The following AFG2A variants were observed in gnomAD, a reference collection of about 807,000 sequenced individuals.
AFG2A encodes the protein ATPase family gene 2 protein homolog A.
the AFG2A span, among the ~76,000 whole-genome samples, chr4:123,146,538 CAG>C: frequency 2.6e-5 from 4 of 152,048 alleles, no homozygotes; most frequent in African/African-American, 9.7e-5. Flanking sequence ...TAGACACTAA[CAG>C]TGAAAAATAT....
chr4:122,990,806 C>T, the AFG2A span, among the ~76,000 whole-genome samples: 2 of 152,198 alleles, frequency 1.3e-5, no homozygotes, highest in Non-Finnish European at 2.9e-5. Flanking sequence ...GCAGACTGGT[C>T]TGGAACTCGT....
chr4:123,222,543 A>T, the AFG2A span, among the ~76,000 whole-genome samples: 1 of 152,222 alleles, frequency 6.6e-6, no homozygotes, highest in Non-Finnish European at 1.5e-5. Flanking sequence ...TGGTAAGAAC[A>T]TTTAACATGA....
At chr4:123,175,282 C>A in the AFG2A span, among the ~76,000 whole-genome samples, 1 of 151,608 alleles carries the variant, frequency 6.6e-6, no homozygotes, top group Non-Finnish European at 1.5e-5. Context: ...AATATGTAGA[C>A]CATAAGAAAA....
At chr4:122,930,195 A>G in the AFG2A span, among the ~76,000 whole-genome samples, 1 of 152,234 alleles carries the variant, frequency 6.6e-6, no homozygotes, top group African/African-American at 2.4e-5. Context: ...CCCTCACCAC[A>G]GGGTAATTGT....
At chr4:123,187,670 G>GT in the AFG2A span, among the ~76,000 whole-genome samples, 4 of 151,416 alleles carry the variant, frequency 2.6e-5, no homozygotes, top group Admixed American at 6.6e-5. Flanking sequence ...TATACTCTAG[G>GT]TTTTTTTTGT....
chr4:122,931,397 C>T, the AFG2A span, among the ~76,000 whole-genome samples: 4 of 151,818 alleles, frequency 2.6e-5, no homozygotes, highest in African/African-American at 9.7e-5. Context: ...ATTAAAGTTG[C>T]CTTGAACACC....
chr4:123,314,021 T>C, the AFG2A span: 2 of 1,610,020 alleles, frequency 1.2e-6, no homozygotes, highest in East Asian at 2.2e-5. Context: ...TTGAGACGTT[T>C]TTATGAAGAT....
the AFG2A span, among the ~76,000 whole-genome samples, chr4:122,956,750 T>G: frequency 6.6e-6 from 1 of 152,196 alleles, no homozygotes; most frequent in South Asian, 2.1e-4. Context: ...AAGATTAGTG[T>G]TCTAATTACA....
chr4:123,315,378 T>TTC, the AFG2A span: 1 of 149,146 alleles, frequency 6.7e-6, no homozygotes, highest in Non-Finnish European at 1.5e-5. Flanking sequence ...TTTTTTTTAT[T>TTC]AGAGACAGGG....
chr4:123,198,512 G>C, the AFG2A span, among the ~76,000 whole-genome samples: 3 of 152,296 alleles, frequency 2.0e-5, 1 homozygote, highest in South Asian at 6.2e-4. Flanking sequence ...GATCTTGCCA[G>C]CCTCTCCCTA....
chr4:123,259,831 G>T, the AFG2A span: 3 of 152,208 alleles, frequency 2.0e-5, no homozygotes, highest in African/African-American at 7.2e-5. Context: ...GAACACAGGT[G>T]ATGAGTAAGA....
the AFG2A span, among the ~76,000 whole-genome samples, chr4:123,107,261 A>ACTGCTCTTTCAGTCCCTCCG: frequency 6.6e-6 from 1 of 152,056 alleles, no homozygotes; most frequent in Admixed American, 6.5e-5. Context: ...CAGTCCCTCC[A>ACTGCTCTTTCAGTCCCTCCG]TTTGGTGGGT....
the AFG2A span, among the ~76,000 whole-genome samples, chr4:123,132,876 G>T: frequency 1.3e-5 from 2 of 151,188 alleles, no homozygotes; most frequent in Non-Finnish European, 2.9e-5. Context: ...CGCCTCCTGG[G>T]TTCACGCCAT....
chr4:123,309,375 G>A, the AFG2A span, among the ~76,000 whole-genome samples: 1 of 152,278 alleles, frequency 6.6e-6, no homozygotes, highest in African/African-American at 2.4e-5. Context: ...CTCACATGGT[G>A]GAAGGGGCCA....
chr4:123,304,695 A>G, the AFG2A span, among the ~76,000 whole-genome samples: 2 of 152,324 alleles, frequency 1.3e-5, no homozygotes, highest in African/African-American at 4.8e-5. Context: ...GTACCCTTCA[A>G]ATACAAAGAA....
the AFG2A span, among the ~76,000 whole-genome samples, chr4:122,994,699 T>C: frequency 4.0e-5 from 6 of 151,290 alleles, no homozygotes; most frequent in Admixed American, 3.9e-4. Context: ...TCCATTTTCT[T>C]GTGAACGCAG....
chr4:123,066,737 A>T, the AFG2A span, among the ~76,000 whole-genome samples: 1 of 152,194 alleles, frequency 6.6e-6, no homozygotes, highest in Non-Finnish European at 1.5e-5. Context: ...TTTCTGGTAA[A>T]CAGTTTTTTC....
the AFG2A span, chr4:122,938,066 C>A: frequency 7.0e-7 from 1 of 1,436,582 alleles, no homozygotes; most frequent in South Asian, 1.6e-5. Context: ...AAAATTAAAA[C>A]TAAGTAAAAC....
the AFG2A span, among the ~76,000 whole-genome samples, chr4:123,052,055 T>G: frequency 1.2e-3 from 188 of 152,268 alleles, 1 homozygote; most frequent in Middle Eastern, 0.027. Flanking sequence ...TTCTCAGTTT[T>G]TTTCTTTCAT....
Sources: allele counts gnomAD v4.1 joint callset (sites outside exome capture counted in the v4.1 genomes callset), GRCh38; gene constraint gnomAD v4.1.1; transcripts MANE v1.5; gene names NCBI Gene and HGNC (gene_info 2026-07-23, HGNC 2026-07-21).